The following SLC24A3 variants were observed in gnomAD, a reference collection of about 807,000 sequenced individuals.
The protein encoded by SLC24A3 is sodium/potassium/calcium exchanger 3.
In SLC24A3, 28 loss-of-function variants were observed where a neutral mutation model predicts 75.8. The ratio of observed to expected loss-of-function variants is 0.37; its 90% CI spans 0.27 to 0.51. The LOEUF is 0.51. Ranked by LOEUF, SLC24A3 falls within the 20% of genes least tolerant of loss-of-function variation. The pLI, the probability that SLC24A3 is intolerant of heterozygous loss-of-function variation, is 0.94. For missense variants in SLC24A3, 663 were observed against 847.8 expected (o/e 0.78, Z 2.71); for synonymous variants, 372 against 334.1 (o/e 1.11, Z -1.24).
At chr20:19,638,421 T>C (rs2032027187) in intron 6 of SLC24A3, among the ~76,000 whole-genome samples, 2 of 152,192 alleles carry the variant, frequency 1.3e-5, no homozygotes. Flanking sequence ...TTATTTAATT[T>C]CATAATATGT....
At chr20:19,348,590 A>T (rs1021030958) in intron 2 of SLC24A3, among the ~76,000 whole-genome samples, 1 of 152,088 alleles carries the variant, frequency 6.6e-6, no homozygotes, top group Non-Finnish European at 1.5e-5. Context: ...GCCTAATAAC[A>T]TCCTGATAGA....
chr20:19,330,859 C>T (rs1250279567), intron 2 of SLC24A3, among the ~76,000 whole-genome samples: 5 of 152,174 alleles, frequency 3.3e-5, no homozygotes, highest in African/African-American at 7.2e-5. Context: ...CCAAGGAGAC[C>T]GATGGTCATG....
At chr20:19,588,975 C>G (rs554688643) in intron 6 of SLC24A3, among the ~76,000 whole-genome samples, 1 of 152,364 alleles carries the variant, frequency 6.6e-6, no homozygotes, top group South Asian at 2.1e-4. Flanking sequence ...GCCTGATGTT[C>G]TTTGGCAAGG....
intron 2 of SLC24A3, among the ~76,000 whole-genome samples, chr20:19,437,706 CTCTAT>C (rs1987229949): frequency 6.6e-6 from 1 of 152,152 alleles, no homozygotes; most frequent in Non-Finnish European, 1.5e-5. Context: ...CCCTGCAGTT[CTCTAT>C]AGCAAACCCA....
At chr20:19,368,226 G>A (rs1985931518) in intron 2 of SLC24A3, among the ~76,000 whole-genome samples, 1 of 152,136 alleles carries the variant, frequency 6.6e-6, no homozygotes, top group Admixed American at 6.5e-5. Flanking sequence ...CTGGATGGCT[G>A]GTGTCGCTAC....
At position 19,696,909 on chromosome 20, in the gene SLC24A3, A is replaced by G. The variant is rs2032813287; in HGVS notation, c.1604A>G (p.Gln535Arg). ...DCMASLIVAR[Q>R]GMGDMAVSNS... ...ATGGCCAGCCTCATTGTGGCCAGAC[A>G]AGGTGGGACTTCCAGTGGCAATGGG... Residue 535 changes from glutamine to arginine, a missense_variant and splice_region_variant, in exon 14 of 17, where the codon CAA becomes CGA. Gln to Arg is a conservative substitution (Grantham distance 43). This residue lies in a region of SLC24A3 where 510 missense variants were observed against 703.6 expected (regional missense o/e 0.72). Transcript: ENST00000328041. 7 of 1,399,108 alleles carry G rather than the reference A, an allele frequency of 5.0e-6. No homozygotes were observed. The highest frequency in any genetic ancestry group is 6.7e-6 in the Non-Finnish European group (7 of 1,046,132). The allele number at this position is 1,399,108 out of a possible 1,614,324, so 86.7% of individuals were successfully genotyped here. A position where few individuals can be genotyped will look rare whatever the true frequency, so the allele number is the denominator to read the frequency against.
intron 1 of SLC24A3, among the ~76,000 whole-genome samples, chr20:19,229,417 T>C (rs1332813075): frequency 6.6e-6 from 1 of 152,162 alleles, no homozygotes; most frequent in Non-Finnish European, 1.5e-5. Context: ...ATGAAATGCT[T>C]TATTTCCTTT....
chr20:19,312,245 G>T (rs2122262593), intron 2 of SLC24A3, among the ~76,000 whole-genome samples: 1 of 152,280 alleles, frequency 6.6e-6, no homozygotes. Flanking sequence ...CTTCATTCTT[G>T]CATGTAGGGA....
intron 6 of SLC24A3, among the ~76,000 whole-genome samples, chr20:19,595,925 A>G (rs1373535026): frequency 6.6e-6 from 1 of 152,178 alleles, no homozygotes; most frequent in Non-Finnish European, 1.5e-5. Flanking sequence ...CCAGGTGGGA[A>G]GAAGAGTAAA....
At chr20:19,502,978 G>A (rs6106088) in intron 2 of SLC24A3, among the ~76,000 whole-genome samples, 8,642 of 148,972 alleles carry the variant, frequency 0.058, 757 homozygotes, top group African/African-American at 0.19. Flanking sequence ...AGTGAGCCAT[G>A]ATAGTGTTAC....
At chr20:19,602,289 C>G (rs1476264081) in intron 6 of SLC24A3, among the ~76,000 whole-genome samples, 2 of 152,032 alleles carry the variant, frequency 1.3e-5, no homozygotes, top group African/African-American at 4.8e-5. Context: ...TCTAGAGTCC[C>G]CTGAAAAAAG....
intron 3 of SLC24A3, among the ~76,000 whole-genome samples, chr20:19,533,384 A>G (rs1327612430): frequency 1.3e-5 from 2 of 152,328 alleles, no homozygotes; most frequent in Admixed American, 6.5e-5. Context: ...CTGGCCCACC[A>G]TCACTCCCGC....
chr20:19,718,600 G>T (rs1043406638), intron 16 of SLC24A3, among the ~76,000 whole-genome samples: 3 of 152,134 alleles, frequency 2.0e-5, no homozygotes, highest in African/African-American at 7.2e-5. Context: ...TGACACCAGG[G>T]TGCACAATCA....
At chr20:19,274,023 G>A (rs922356084) in intron 1 of SLC24A3, among the ~76,000 whole-genome samples, 2 of 151,028 alleles carry the variant, frequency 1.3e-5, no homozygotes, top group Non-Finnish European at 3.0e-5. Context: ...TGGGCAGGTG[G>A]CTAGGGTTGC....
chr20:19,646,326 T>C (rs903552644), intron 6 of SLC24A3, among the ~76,000 whole-genome samples: 4 of 152,200 alleles, frequency 2.6e-5, no homozygotes, highest in Admixed American at 6.5e-5. Context: ...GTATACTGTA[T>C]GTCCCATGTG....
chr20:19,681,494 A>G (rs1054723284), intron 9 of SLC24A3, among the ~76,000 whole-genome samples: 1 of 152,180 alleles, frequency 6.6e-6, no homozygotes, highest in East Asian at 1.9e-4. Context: ...GAGAAGGTAG[A>G]CCTTGACCAT....
At chr20:19,540,641 T>C (rs1180141484) in intron 3 of SLC24A3, among the ~76,000 whole-genome samples, 1 of 152,216 alleles carries the variant, frequency 6.6e-6, no homozygotes, top group Middle Eastern at 3.2e-3. Flanking sequence ...GGGTGGTTAG[T>C]ACTGCATGAA....
At chr20:19,536,773 G>A (rs888281330) in intron 3 of SLC24A3, among the ~76,000 whole-genome samples, 1 of 152,120 alleles carries the variant, frequency 6.6e-6, no homozygotes, top group Non-Finnish European at 1.5e-5. Flanking sequence ...CAGGCAATGG[G>A]GAAAGGATTC....
intron 2 of SLC24A3, among the ~76,000 whole-genome samples, chr20:19,488,629 T>C (rs1292287352): frequency 6.6e-6 from 1 of 152,156 alleles, no homozygotes; most frequent in Non-Finnish European, 1.5e-5. Context: ...TAGTTAACAG[T>C]GGGCACAAGT....
Sources: allele counts gnomAD v4.1 joint callset (sites outside exome capture counted in the v4.1 genomes callset), GRCh38; gene constraint gnomAD v4.1.1; regional missense constraint gnomAD v4.1.1; transcripts MANE v1.5; gene names NCBI Gene and HGNC (gene_info 2026-07-23, HGNC 2026-07-21).